Variants in IGSF21 observed in about 807,000 individuals in gnomAD.
The protein encoded by IGSF21 is immunoglobulin superfamily member 21.
In IGSF21, 28 loss-of-function variants were observed where a neutral mutation model predicts 46.8. That is an observed-to-expected ratio of 0.60 (90% CI 0.44 to 0.82). The LOEUF (loss-of-function observed/expected upper bound fraction) is 0.82, where lower values mean the gene tolerates loss of function less well. Among genes scored for constraint, IGSF21 ranks in the 40% least tolerant of loss-of-function variants. The pLI is 0.00. For synonymous variants in IGSF21, 284 were observed against 273.6 expected (o/e 1.04, Z -0.38); for missense variants, 624 against 665.5 (o/e 0.94, Z 0.69).
At chr1:18,276,420 G>T (rs79698772) in intron 2 of IGSF21, among the ~76,000 whole-genome samples, 212 of 152,256 alleles carry the variant, frequency 1.4e-3, no homozygotes, top group African/African-American at 5.0e-3. Flanking sequence ...GGATGTACTT[G>T]TTCCCAGAGC....
intron 5 of IGSF21, 57 bp downstream of exon 5, chr1:18,362,287 G>T (rs2086109872): frequency 4.6e-6 from 6 of 1,290,574 alleles, no homozygotes; most frequent in Non-Finnish European, 6.6e-6. Context: ...CCTGCTTCGG[G>T]GCTGGTCCAG....
At chr1:18,373,465 C>T (rs1238960869) in intron 6 of IGSF21, among the ~76,000 whole-genome samples, 1 of 152,196 alleles carries the variant, frequency 6.6e-6, no homozygotes, top group Non-Finnish European at 1.5e-5. Flanking sequence ...GCAGGCTTGG[C>T]TTCCAGAAGC....
rs2085741030 is a variant in IGSF21 at position 18,334,087 on chromosome 1, C to A, written c.306-805C>A. On this transcript the variant is annotated intron_variant, in intron 3 of 9. Transcript: ENST00000251296. This position sits in a 1 kb window ranked among gnomAD's most constrained non-coding sequence, Gnocchi z 4.3. ...GGCAAGAAAGCCTAAAATATTTACT[C>A]TCTGGACTTTTAGGAGAAAAGACTG... Among the ~76,000 whole-genome samples, 1 of 152,200 alleles carries A rather than the reference C, an allele frequency of 6.6e-6. No homozygotes were observed. The highest frequency in any genetic ancestry group is 2.1e-4 in the South Asian group (1 of 4,832).
chr1:18,219,713 G>T (rs993520611), intron 1 of IGSF21, among the ~76,000 whole-genome samples: 5 of 152,166 alleles, frequency 3.3e-5, no homozygotes, highest in Admixed American at 6.5e-5. Context: ...TGTAGGGCCT[G>T]TTTCCTTGTG....
At chr1:18,253,367 C>A (rs914633430) in intron 2 of IGSF21, among the ~76,000 whole-genome samples, 1 of 152,196 alleles carries the variant, frequency 6.6e-6, no homozygotes. Flanking sequence ...ATCAAATTCA[C>A]TGGGAGCAGG....
intron 2 of IGSF21, among the ~76,000 whole-genome samples, chr1:18,232,660 C>A (rs2084639412): frequency 6.6e-6 from 1 of 152,214 alleles, no homozygotes; most frequent in Non-Finnish European, 1.5e-5. Context: ...CTAGTGCTTA[C>A]CTCATCATGT....
chr1:18,236,471 G>A (rs550581068), intron 2 of IGSF21, among the ~76,000 whole-genome samples: 4 of 152,306 alleles, frequency 2.6e-5, no homozygotes, highest in South Asian at 2.1e-4. Flanking sequence ...AGGGACAGGC[G>A]TCAAGCACTC....
At chr1:18,169,935 A>T (rs1192307072) in intron 1 of IGSF21, among the ~76,000 whole-genome samples, 1 of 152,044 alleles carries the variant, frequency 6.6e-6, no homozygotes, top group Non-Finnish European at 1.5e-5. Flanking sequence ...TCTGCAGGAG[A>T]TGGAACCGGG....
rs2084585154 is a variant in IGSF21 at position 18,227,927 on chromosome 1, C to T, written c.100C>T (p.Pro34Ser). 1 of 1,613,920 alleles carries T rather than the reference C, an allele frequency of 6.2e-7. No homozygotes were observed. The highest frequency in any genetic ancestry group is 1.3e-5 in the African/African-American group (1 of 74,910). The part of the protein sequence containing the change: ...GYLTVNIEPL[P>S]PVVAGDAVTL... ...CCTGACAGTCAACATTGAGCCTCTC[C>T]CCCCTGTGGTGGCTGGAGACGCCGT... The change falls in exon 2 of 10, where the codon CCC (proline) becomes TCC (serine). Residue 34 changes from proline (P) to serine (S), a missense_variant. Coordinates refer to ENST00000251296, the MANE Select transcript of IGSF21 (RefSeq NM_032880.5).
chr1:18,207,655 T>C (rs2124487495), intron 1 of IGSF21, among the ~76,000 whole-genome samples: 1 of 152,318 alleles, frequency 6.6e-6, no homozygotes, highest in South Asian at 2.1e-4. Flanking sequence ...TGCATATCAC[T>C]GGGGAGCTGA....
intron 1 of IGSF21, chr1:18,111,246 C>G (rs1194542200): frequency 6.6e-6 from 1 of 152,180 alleles, no homozygotes; most frequent in Admixed American, 6.5e-5. Flanking sequence ...GCTGCCTCGC[C>G]CATGCCCCTC....
chr1:18,281,164 T>TGAAC (rs1290689976), intron 2 of IGSF21, among the ~76,000 whole-genome samples: 1 of 152,156 alleles, frequency 6.6e-6, no homozygotes, highest in Non-Finnish European at 1.5e-5. Flanking sequence ...AATGAATGAA[T>TGAAC]GAACAGGTGA....
chr1:18,190,645 G>C (rs2086946416), intron 1 of IGSF21, among the ~76,000 whole-genome samples: 1 of 152,210 alleles, frequency 6.6e-6, no homozygotes, highest in South Asian at 2.1e-4. Flanking sequence ...TTCCTCCTCA[G>C]ACTTCATCTC....
chr1:18,297,969 TATCTCCAGGAATCTGGAGAC>T (rs2085327601), intron 3 of IGSF21, among the ~76,000 whole-genome samples: 1 of 152,172 alleles, frequency 6.6e-6, no homozygotes, highest in African/African-American at 2.4e-5. Flanking sequence ...ACCTGGAATG[TATCTCCAGGAATCTGGAGAC>T]ATCTGAGCAC....
At chr1:18,274,326 G>T (rs1331470715) in intron 2 of IGSF21, among the ~76,000 whole-genome samples, 1 of 152,222 alleles carries the variant, frequency 6.6e-6, no homozygotes, top group Non-Finnish European at 1.5e-5. Context: ...GTATGTACAG[G>T]TTCTGGTCAG....
intron 2 of IGSF21, chr1:18,278,740 G>C (rs1027088817): frequency 1.1e-5 from 5 of 435,544 alleles, no homozygotes; most frequent in African/African-American, 2.1e-5. Context: ...ATTTTTTGTA[G>C]AGATGGGGTT....
chr1:18,182,763 AG>A (rs1557576260), intron 1 of IGSF21, among the ~76,000 whole-genome samples: 2 of 152,114 alleles, frequency 1.3e-5, no homozygotes, highest in South Asian at 2.1e-4. Flanking sequence ...CCACCCCTCG[AG>A]GGGGGTCATC....
chr1:18,219,532 CAG>C (rs59388083), intron 1 of IGSF21, among the ~76,000 whole-genome samples: 8,357 of 152,100 alleles, frequency 0.055, 731 homozygotes, highest in African/African-American at 0.19. Flanking sequence ...TGGCCAGGTG[CAG>C]AGAGATAGCA....
At chr1:18,316,180 A>G (rs1011421590) in intron 3 of IGSF21, among the ~76,000 whole-genome samples, 1 of 152,138 alleles carries the variant, frequency 6.6e-6, no homozygotes, top group African/African-American at 2.4e-5. Context: ...GGGCTTTGCC[A>G]GGCGATGATG....
Sources: allele counts gnomAD v4.1 joint callset (sites outside exome capture counted in the v4.1 genomes callset), GRCh38; gene constraint gnomAD v4.1.1; non-coding constraint Gnocchi (gnomAD v3.1); transcripts MANE v1.5; gene names NCBI Gene and HGNC (gene_info 2026-07-23, HGNC 2026-07-21).